The following FHIT variants were observed in gnomAD, a reference collection of about 807,000 sequenced individuals.
The protein encoded by FHIT is fragile histidine triad diadenosine triphosphatase.
A neutral mutation model predicts 17.9 loss-of-function variants in FHIT; 19 were observed. The observed-to-expected ratio is 1.06, with a 90% confidence interval of 0.74 to 1.56. The LOEUF (loss-of-function observed/expected upper bound fraction) is 1.56. Among genes scored for constraint, FHIT ranks in the 40% most tolerant of loss-of-function variants. FHIT has a pLI of 0.00. For synonymous variants in FHIT, 81 were observed against 69.7 expected, an observed-to-expected ratio of 1.16 and a Z score of -0.81; for missense variants, 248 against 189.2, an observed-to-expected ratio of 1.31 and a Z score of -1.82.
chr3:60,109,903 TA>T (rs1372278925), intron 5 of FHIT, among the ~76,000 whole-genome samples: 8 of 152,330 alleles, frequency 5.3e-5, no homozygotes, highest in African/African-American at 1.9e-4. Flanking sequence ...CACTTTTCTT[TA>T]AATAAGTTAA....
intron 5 of FHIT, among the ~76,000 whole-genome samples, chr3:60,428,516 G>A (rs1289822520): frequency 1.3e-5 from 2 of 152,048 alleles, no homozygotes; most frequent in Non-Finnish European, 2.9e-5. Context: ...GTTAACTCTT[G>A]GAAAACATTA....
chr3:59,818,651 T>C (rs982244993), intron 8 of FHIT, among the ~76,000 whole-genome samples: 3 of 152,226 alleles, frequency 2.0e-5, no homozygotes, highest in Non-Finnish European at 2.9e-5. Context: ...AGCAGATCTA[T>C]TTCTGTGAGC....
At chr3:60,328,972 A>G (rs1181947469) in intron 5 of FHIT, among the ~76,000 whole-genome samples, 1 of 152,206 alleles carries the variant, frequency 6.6e-6, no homozygotes, top group African/African-American at 2.4e-5. Context: ...ACAATAGAAG[A>G]ATCCATCCAT....
At chr3:60,497,487 A>G (rs1475670720) in intron 5 of FHIT, among the ~76,000 whole-genome samples, 1 of 152,250 alleles carries the variant, frequency 6.6e-6, no homozygotes, top group African/African-American at 2.4e-5. Flanking sequence ...TGAAAATTAC[A>G]TAATTCTTTT....
At chr3:60,878,187 C>A (rs1348722225) in intron 3 of FHIT, among the ~76,000 whole-genome samples, 2 of 152,036 alleles carry the variant, frequency 1.3e-5, no homozygotes, top group Non-Finnish European at 2.9e-5. Flanking sequence ...TAGGGGCTGC[C>A]TAACAGTCAT....
intron 5 of FHIT, among the ~76,000 whole-genome samples, chr3:60,456,163 T>C (rs2032079151): frequency 6.6e-6 from 1 of 152,212 alleles, no homozygotes; most frequent in Non-Finnish European, 1.5e-5. Context: ...GATGGGTTTG[T>C]ACACACAAGA....
At chr3:61,178,695 T>A (rs1056543146) in intron 2 of FHIT, among the ~76,000 whole-genome samples, 2 of 152,022 alleles carry the variant, frequency 1.3e-5, no homozygotes, top group African/African-American at 4.8e-5. Context: ...TGTACAAGAA[T>A]AAACCTCAGG....
At chr3:60,105,946 AAC>A (rs1394669783) in intron 5 of FHIT, among the ~76,000 whole-genome samples, 2 of 152,186 alleles carry the variant, frequency 1.3e-5, no homozygotes, top group Non-Finnish European at 1.5e-5. Context: ...ACCCTTGGTT[AAC>A]CATGGTCCAA....
chr3:60,027,132 C>A lies in FHIT; in HGVS notation c.104-12980G>T, dbSNP rs930940988. On this transcript the variant is annotated intron_variant, in intron 5 of 9. Transcript: ENST00000492590. ...AGACACACACACACACACACACACACACACACACACACACACAAAATTAGT... is the reference window on the plus strand; with the variant it reads ...AGACACACACACACACACACACACAAACACACACACACACACAAAATTAGT... Among the ~76,000 whole-genome samples, 198 of 120,328 alleles carry A rather than the reference C, an allele frequency of 1.6e-3. 1 individual carries two copies. Among genetic ancestry groups the A allele is most frequent in the Middle Eastern group, 0.012 (3 of 260 alleles). 78.9% of individuals were successfully genotyped at this position (120,328 alleles called of 152,430 possible).
chr3:59,778,523 T>C (rs140108976), intron 8 of FHIT, among the ~76,000 whole-genome samples: 59 of 152,348 alleles, frequency 3.9e-4, no homozygotes, highest in Middle Eastern at 3.4e-3. Flanking sequence ...TAACTATTTC[T>C]GGCTCTTCAG....
rs1700772615 is a variant in FHIT at position 59,749,586 on chromosome 3, C to A, written c.*6-7G>T. ...TTCAGGATCTGAAAAACATCTTAAG[C>A]CATTTTTAAACAAACAAAGGCCTTA... On this transcript the variant is annotated splice_region_variant and splice_polypyrimidine_tract_variant and intron_variant, in intron 9 of 9. Coordinates refer to ENST00000492590, the MANE Select transcript of FHIT (RefSeq NM_002012.4). 4.3e-6 allele frequency: 1 copy of A among 230,864 alleles called. No individual in the cohort carries two copies. The highest frequency in any genetic ancestry group is 5.7e-5 in the Admixed American group (1 of 17,678). The allele number at this position is 230,864 out of a possible 1,614,324, so 14.3% of individuals were successfully genotyped here.
chr3:60,388,888 G>C (rs993116421), intron 5 of FHIT, among the ~76,000 whole-genome samples: 1 of 152,098 alleles, frequency 6.6e-6, no homozygotes, highest in Admixed American at 6.6e-5. Context: ...GGCTCGTAAA[G>C]TTAGCACAGT....
chr3:61,084,026 G>A (rs1487295761), intron 2 of FHIT, among the ~76,000 whole-genome samples: 1 of 152,144 alleles, frequency 6.6e-6, no homozygotes, highest in Non-Finnish European at 1.5e-5. Flanking sequence ...GACATTCTAT[G>A]ATGTTATATT....
rs552818309 is a variant in FHIT, at chr3:60,528,903, T to C, written c.103+7957A>G. ...GAGCTTTCAGGAACCACCTTTGACA[T>C]TGGTCAGTACCACCTGTCATACTAA... On this transcript the variant is annotated intron_variant, in intron 5 of 9. Transcript: ENST00000492590. Among the ~76,000 whole-genome samples the C allele has an allele frequency of 2.0e-5, 3 of 152,346 alleles. No individual in the cohort carries two copies. The East Asian group carries it at 5.8e-4, about 29-fold the overall frequency.
At chr3:60,466,184 G>A (rs2032781500) in intron 5 of FHIT, among the ~76,000 whole-genome samples, 2 of 151,900 alleles carry the variant, frequency 1.3e-5, no homozygotes, top group Non-Finnish European at 2.9e-5. Flanking sequence ...TTTTCAGATT[G>A]TCCACTGTTG....
chr3:60,437,895 A>C (rs2030418429), intron 5 of FHIT, among the ~76,000 whole-genome samples: 1 of 151,714 alleles, frequency 6.6e-6, no homozygotes, highest in Admixed American at 6.6e-5. Context: ...CACTTGAATT[A>C]ATAGATATCT....
intron 5 of FHIT, among the ~76,000 whole-genome samples, chr3:60,515,015 C>T (rs2035097730): frequency 6.6e-6 from 1 of 151,624 alleles, no homozygotes; most frequent in African/African-American, 2.4e-5. Flanking sequence ...TTACCGCATT[C>T]CCTGGAGGGA....
intron 5 of FHIT, among the ~76,000 whole-genome samples, chr3:60,186,230 G>T (rs772314874): frequency 6.6e-6 from 1 of 151,920 alleles, no homozygotes; most frequent in Non-Finnish European, 1.5e-5. Context: ...CAAGATCCCA[G>T]ATTTTTTTCT....
At chr3:59,847,336 T>C (rs1304125584) in intron 8 of FHIT, among the ~76,000 whole-genome samples, 4 of 152,144 alleles carry the variant, frequency 2.6e-5, no homozygotes, top group Non-Finnish European at 5.9e-5. Flanking sequence ...AATTCATTAA[T>C]TCTTTCTTCT....
Sources: gnomAD v4.1 joint callset for allele counts (sites outside exome capture counted in the v4.1 genomes callset) on GRCh38, gnomAD v4.1.1 for gene constraint, MANE v1.5 for transcripts, NCBI Gene and HGNC (gene_info 2026-07-23, HGNC 2026-07-21) for gene names.